Variants in INPP5D observed in about 807,000 individuals in gnomAD.
INPP5D encodes the protein phosphatidylinositol 3,4,5-trisphosphate 5-phosphatase 1.
A neutral mutation model predicts 122.9 loss-of-function variants in INPP5D; 33 were observed. The ratio of observed to expected loss-of-function variants is 0.27; its 90% CI spans 0.20 to 0.36. The LOEUF (loss-of-function observed/expected upper bound fraction) is 0.36, where lower values mean the gene tolerates loss of function less well. INPP5D is among the 10% of genes least tolerant of loss of function. The probability of loss-of-function intolerance (pLI) is 1.00; values close to 1 mark genes in which losing one functional copy is unlikely to be tolerated. For missense variants in INPP5D, 1,053 were observed against 1,412.7 expected (o/e 0.75, Z 4.08); for synonymous variants, 584 against 576.2 (o/e 1.01, Z -0.19).
intron 1 of INPP5D, among the ~76,000 whole-genome samples, chr2:233,061,401 G>C (rs59360944): frequency 1.3e-5 from 2 of 152,132 alleles, no homozygotes; most frequent in East Asian, 1.9e-4. Context: ...TGCAGCTCTC[G>C]GTCTAATCAT....
At chr2:233,103,608 C>T (rs764426227) in intron 2 of INPP5D, among the ~76,000 whole-genome samples, 1 of 152,070 alleles carries the variant, frequency 6.6e-6, no homozygotes, top group Non-Finnish European at 1.5e-5. Flanking sequence ...GCCTCTGCCA[C>T]TTCCAGGGCA....
intron 1 of INPP5D, among the ~76,000 whole-genome samples, chr2:233,068,371 G>A (rs989392243): frequency 1.3e-5 from 2 of 151,640 alleles, no homozygotes; most frequent in Admixed American, 6.6e-5. Context: ...GAGGCAAGAG[G>A]ATCATGAGGT....
intron 1 of INPP5D, among the ~76,000 whole-genome samples, chr2:233,071,130 A>G (rs1691375021): frequency 6.6e-6 from 1 of 152,006 alleles, no homozygotes; most frequent in African/African-American, 2.4e-5. Flanking sequence ...AAAAAAAATA[A>G]AAATAAAAAT....
At chr2:233,146,908 C>A (rs147731559) in intron 8 of INPP5D, among the ~76,000 whole-genome samples, 1 of 152,028 alleles carries the variant, frequency 6.6e-6, no homozygotes, top group African/African-American at 2.4e-5. Context: ...AGCACTGGTC[C>A]CAAATTCAGG....
chr2:233,154,231 C>G (rs1394295487), intron 9 of INPP5D, among the ~76,000 whole-genome samples: 1 of 152,230 alleles, frequency 6.6e-6, no homozygotes, highest in Non-Finnish European at 1.5e-5. Context: ...TCGCAGCAAC[C>G]TCCACCTCCT....
chr2:233,205,831 C>A (rs1397801252), intron 26 of INPP5D, among the ~76,000 whole-genome samples: 1 of 152,020 alleles, frequency 6.6e-6, no homozygotes, highest in Non-Finnish European at 1.5e-5. Context: ...GTAATCCCAG[C>A]ATTTTGGGAG....
chr2:233,089,574 C>T (rs937298682), intron 2 of INPP5D, among the ~76,000 whole-genome samples: 2 of 152,140 alleles, frequency 1.3e-5, no homozygotes, highest in African/African-American at 4.8e-5. Context: ...AAGGGCTTTG[C>T]AGTATTTGAG....
At chr2:233,157,369 A>C (rs907897597) in intron 9 of INPP5D, among the ~76,000 whole-genome samples, 1 of 152,202 alleles carries the variant, frequency 6.6e-6, no homozygotes, top group African/African-American at 2.4e-5. Flanking sequence ...GGACAAAGGA[A>C]CTGATGAAAG....
At chr2:233,094,003 C>A (rs1221177324) in intron 2 of INPP5D, among the ~76,000 whole-genome samples, 1 of 152,030 alleles carries the variant, frequency 6.6e-6, no homozygotes, top group Non-Finnish European at 1.5e-5. Context: ...GGTCCCCTGC[C>A]TGGTAGAGCC....
intron 2 of INPP5D, among the ~76,000 whole-genome samples, chr2:233,087,294 G>GTGAC (rs1691878312): frequency 6.6e-6 from 1 of 151,972 alleles, no homozygotes; most frequent in Non-Finnish European, 1.5e-5. Flanking sequence ...TGTGGCACTT[G>GTGAC]TGACTACCTG....
In INPP5D at chr2:233,177,882, C is replaced by CT. The variant is rs1298512908; in HGVS notation, c.2071+542dup. The stretch of plus-strand genomic sequence containing the variant: ...GAGCCACCGCGGCCGACCCGGAGCA[C>CT]TTTTTTAAAAATTCAGTTTTATTTC... On this transcript the variant is annotated intron_variant, in intron 18 of 26. Transcript: ENST00000445964. The surrounding 1 kb of genome is among the most constrained non-coding windows in gnomAD (Gnocchi z 4.2). 6.6e-6 allele frequency among the ~76,000 whole-genome samples: 1 copy of CT among 152,128 alleles called. No individual in the cohort carries two copies. The highest frequency in any genetic ancestry group is 1.5e-5 in the Non-Finnish European group (1 of 68,010).
chr2:233,171,388 G>T, intron 17 of INPP5D: 1 of 487,060 alleles, frequency 2.1e-6, no homozygotes, highest in Non-Finnish European at 3.4e-6. Context: ...ACTCTAAGAT[G>T]CTGAGAGGAC....
intron 22 of INPP5D, among the ~76,000 whole-genome samples, chr2:233,191,803 A>ATTTAAATTATTGTG (rs1398911320): frequency 3.3e-5 from 5 of 152,208 alleles, no homozygotes; most frequent in Admixed American, 6.5e-5. Context: ...ACATTTATCC[A>ATTTAAATTATTGTG]CGTGCTTATT....
rs1260538615 is a variant in INPP5D at position 233,189,144 on chromosome 2, C to G, written c.2359-706C>G. ...CCCCACTGGCCAGTGCTGTGCAAAG[C>G]CTGTTAGCAGCCACCCCCGCTGCCA... On this transcript the variant is annotated intron_variant, in intron 21 of 26. Coordinates refer to ENST00000445964, the MANE Select transcript of INPP5D (RefSeq NM_001017915.3). The surrounding 1 kb of genome is among the most constrained non-coding windows in gnomAD (Gnocchi z 5.6). Among the ~76,000 whole-genome samples, 1 of 152,344 alleles carries G rather than the reference C, an allele frequency of 6.6e-6. No homozygotes were observed. Among genetic ancestry groups the G allele is most frequent in the African/African-American group, 2.4e-5 (1 of 41,572 alleles).
chr2:233,161,312 G>A (rs1380883584), intron 10 of INPP5D, among the ~76,000 whole-genome samples: 5 of 151,596 alleles, frequency 3.3e-5, no homozygotes, highest in African/African-American at 4.9e-5. Context: ...GGCTGGTCTC[G>A]AACTCCTGAC....
rs1008447986 is a variant in INPP5D, at chr2:233,188,905, C to G, written c.2359-945C>G. On this transcript the variant is annotated intron_variant, in intron 21 of 26. Transcript: ENST00000445964. The surrounding 1 kb of genome is among the most constrained non-coding windows in gnomAD (Gnocchi z 4.7). ...AGATATAGTGAGTCTGCCCTGTTGG[C>G]CAACATGGTGCCCAGAGCCCTGTAC... Among the ~76,000 whole-genome samples, 8 of 152,080 alleles carry G rather than the reference C, an allele frequency of 5.3e-5. No homozygotes were observed. The highest frequency in any genetic ancestry group is 1.0e-4 in the Non-Finnish European group (7 of 68,010).
At chr2:233,062,647 G>A (rs1026067836) in intron 1 of INPP5D, among the ~76,000 whole-genome samples, 5 of 152,132 alleles carry the variant, frequency 3.3e-5, no homozygotes, top group South Asian at 2.1e-4. Flanking sequence ...CCGAAGCCTC[G>A]TCAGCCTCCT....
chr2:233,076,012 G>T (rs901233638), intron 1 of INPP5D, among the ~76,000 whole-genome samples: 2 of 152,174 alleles, frequency 1.3e-5, no homozygotes, highest in Admixed American at 6.5e-5. Flanking sequence ...AGCCATAAAG[G>T]TTTGTCTGCC....
chr2:233,155,570 C>A (rs1409804633), intron 9 of INPP5D, among the ~76,000 whole-genome samples: 1 of 151,912 alleles, frequency 6.6e-6, no homozygotes, highest in African/African-American at 2.4e-5. Context: ...TGCGGTGAGC[C>A]AAGATCCACG....
Sources: allele counts gnomAD v4.1 joint callset (sites outside exome capture counted in the v4.1 genomes callset), GRCh38; gene constraint gnomAD v4.1.1; non-coding constraint Gnocchi (gnomAD v3.1); transcripts MANE v1.5; gene names NCBI Gene and HGNC (gene_info 2026-07-23, HGNC 2026-07-21).